The following ZNF385D variants were observed in gnomAD, a reference collection of about 807,000 sequenced individuals.
ZNF385D encodes the protein zinc finger protein 385D, also known as zinc finger protein 659.
Under a neutral mutation model 35.8 loss-of-function variants are expected in ZNF385D, and 15 were observed. The observed-to-expected ratio is 0.42, with a 90% CI of 0.28 to 0.64. ZNF385D has a LOEUF of 0.64. Ranked by LOEUF, ZNF385D falls within the 30% of genes least tolerant of loss-of-function variation. The pLI, the probability that ZNF385D is intolerant of heterozygous loss-of-function variation, is 0.23. For synonymous variants in ZNF385D, 212 were observed against 186.8 expected, an observed-to-expected ratio of 1.13 and a Z score of -1.10; for missense variants, 474 against 494.6, an observed-to-expected ratio of 0.96 and a Z score of 0.39.
chr3:22,369,746 T>C (rs1242114175), intron 2 of ZNF385D, among the ~76,000 whole-genome samples: 1 of 152,162 alleles, frequency 6.6e-6, no homozygotes, highest in Non-Finnish European at 1.5e-5. Context: ...AAAGTATAAT[T>C]ACAGCTAGTG....
chr3:22,007,458 A>T (rs865978192), intron 3 of ZNF385D, among the ~76,000 whole-genome samples: 1 of 152,216 alleles, frequency 6.6e-6, no homozygotes, highest in Non-Finnish European at 1.5e-5. Context: ...AACCTTGTGT[A>T]TAAGTTGTTT....
At position 22,043,001 on chromosome 3, in the gene ZNF385D, G is replaced by C. The variant is rs547744442; in HGVS notation, c.325+125816C>G. Among the ~76,000 whole-genome samples the C allele has an allele frequency of 6.6e-5, 10 of 152,228 alleles. No individual in the cohort carries two copies. In the South Asian group the frequency reaches 2.1e-3, roughly 32 times the overall value. ...TTTGAATCTTATTAACCCAGTCACA[G>C]ACTGAAATGTTTCAGAGCTTAACAA... On this transcript the variant is annotated intron_variant, in intron 3 of 5. Transcript: ENST00000494108.
chr3:21,940,207 T>C (rs763560408), intron 3 of ZNF385D, among the ~76,000 whole-genome samples: 1 of 152,090 alleles, frequency 6.6e-6, no homozygotes, highest in South Asian at 2.1e-4. Flanking sequence ...TTTCAACATA[T>C]GAAAAAAATT....
At chr3:22,130,485 C>T (rs544337074) in intron 3 of ZNF385D, among the ~76,000 whole-genome samples, 168 of 152,226 alleles carry the variant, frequency 1.1e-3, no homozygotes, top group African/African-American at 3.2e-3. Flanking sequence ...ATAACTGGGA[C>T]GGATGATTTC....
intron 4 of ZNF385D, among the ~76,000 whole-genome samples, chr3:21,480,267 T>TA: frequency 6.6e-6 from 1 of 151,936 alleles, no homozygotes; most frequent in Non-Finnish European, 1.5e-5. Context: ...CACACCCAGC[T>TA]AATTTTTGTA....
chr3:21,928,882 G>T (rs1340041344), intron 3 of ZNF385D, among the ~76,000 whole-genome samples: 1 of 152,064 alleles, frequency 6.6e-6, no homozygotes, highest in African/African-American at 2.4e-5. Context: ...GTTTTACCGT[G>T]AATTCTGTCA....
At chr3:22,298,421 A>T (rs935489789) in intron 2 of ZNF385D, among the ~76,000 whole-genome samples, 1 of 143,888 alleles carries the variant, frequency 6.9e-6, no homozygotes, top group African/African-American at 2.5e-5. Flanking sequence ...AAAAACATTT[A>T]TATATAATAT....
intron 2 of ZNF385D, among the ~76,000 whole-genome samples, chr3:21,647,511 C>A (rs1210525826): frequency 1.3e-5 from 2 of 152,012 alleles, no homozygotes; most frequent in Non-Finnish European, 2.9e-5. Context: ...ACACGACTAA[C>A]CCATGCTTAT....
At chr3:22,289,432 G>A (rs1419659163) in intron 2 of ZNF385D, among the ~76,000 whole-genome samples, 2 of 152,170 alleles carry the variant, frequency 1.3e-5, no homozygotes. Context: ...AAAGGTTCAA[G>A]AAGTAACCAA....
intron 2 of ZNF385D, among the ~76,000 whole-genome samples, chr3:21,604,439 T>C (rs1260640909): frequency 2.0e-5 from 3 of 152,194 alleles, no homozygotes; most frequent in Non-Finnish European, 4.4e-5. Flanking sequence ...GAATTTCTAT[T>C]ATGTAGGAAG....
intron 2 of ZNF385D, among the ~76,000 whole-genome samples, chr3:22,302,217 T>C (rs1272585103): frequency 6.6e-6 from 1 of 152,036 alleles, no homozygotes; most frequent in Admixed American, 6.6e-5. Flanking sequence ...TTAAAATAAA[T>C]TTTCGCTAAC....
chr3:22,127,485 AC>A (rs1703507916), intron 3 of ZNF385D, among the ~76,000 whole-genome samples: 1 of 151,032 alleles, frequency 6.6e-6, no homozygotes, highest in South Asian at 2.1e-4. Flanking sequence ...GATTACAAGC[AC>A]CTGCCACCAC....
At chr3:21,741,015 T>G (rs1400028771) in intron 1 of ZNF385D, among the ~76,000 whole-genome samples, 1 of 152,074 alleles carries the variant, frequency 6.6e-6, no homozygotes, top group African/African-American at 2.4e-5. Context: ...TTAAGGCTGG[T>G]GGTGAGGTGC....
chr3:21,832,666 G>A (rs1224196210), intron 3 of ZNF385D, among the ~76,000 whole-genome samples: 1 of 152,062 alleles, frequency 6.6e-6, no homozygotes, highest in Admixed American at 6.6e-5. Flanking sequence ...TGACAAAACG[G>A]GCTGAATGGT....
At chr3:21,468,164 G>C (rs1241931080) in intron 4 of ZNF385D, among the ~76,000 whole-genome samples, 1 of 152,052 alleles carries the variant, frequency 6.6e-6, no homozygotes, top group African/African-American at 2.4e-5. Flanking sequence ...CAACACTCTG[G>C]GAGGCTGAGG....
chr3:21,556,068 G>GTTTTTTTTTTTTTTTTTTTTTTTTATTTT (rs148079775), intron 3 of ZNF385D, among the ~76,000 whole-genome samples: 2 of 99,020 alleles, frequency 2.0e-5, no homozygotes, highest in Non-Finnish European at 2.0e-5. Flanking sequence ...TTTTGTTTTT[G>GTTTTTTTTTTTTTTTTTTTTTTTTATTTT]TTTTTTTTTT....
At position 22,179,382 on chromosome 3, in the gene ZNF385D, T is replaced by TTG. The variant is rs529828107; in HGVS notation, c.107-10349_107-10348dup. On this transcript the variant is annotated intron_variant, in intron 2 of 5. Coordinates refer to the ZNF385D transcript ENST00000494108. ...GGAGTTCACTCATGATTTGGCTCTC[T>TTG]TGTGTGTCTGTTATTGGTGTATAAG... is the stretch of plus-strand genomic sequence containing the variant. Among the ~76,000 whole-genome samples the TTG allele has an allele frequency of 3.2e-4, 48 of 152,372 alleles. No homozygotes were observed. In the South Asian group the frequency reaches 6.8e-3, roughly 22 times the overall value.
intron 2 of ZNF385D, among the ~76,000 whole-genome samples, chr3:22,337,485 G>T (rs1262668453): frequency 6.6e-6 from 1 of 152,088 alleles, no homozygotes; most frequent in Non-Finnish European, 1.5e-5. Context: ...AGTGACCCGA[G>T]ATTGCGCCAC....
In ZNF385D at chr3:21,421,240, T is replaced by C. The variant is rs150123252; in HGVS notation, c.1162A>G (p.Thr388Ala). The part of the protein sequence containing the change: ...PAPGPIRTAH[T>A]PVLFAPY ...TAGTAAGGAGCAAACAGCACAGGAG[T>C]GTGGGCGGTCCGAATGGGTCCAGGA... Residue 388 changes from threonine (T) to alanine (A), a missense_variant, in exon 8 of 8, where the codon ACT becomes GCT. Transcript: ENST00000281523. 2.3e-4 allele frequency: 368 copies of C among 1,613,692 alleles called. No individual in the cohort carries two copies. The highest frequency in any genetic ancestry group is 3.1e-4 in the Non-Finnish European group (360 of 1,179,968).
Sources: allele counts gnomAD v4.1 joint callset (sites outside exome capture counted in the v4.1 genomes callset), GRCh38; gene constraint gnomAD v4.1.1; transcripts MANE v1.5; gene names NCBI Gene and HGNC (gene_info 2026-07-23, HGNC 2026-07-21).